The following USP49 variants were observed in gnomAD, a reference collection of about 807,000 sequenced individuals.
USP49 encodes ubiquitin carboxyl-terminal hydrolase 49.
Under a neutral mutation model 58.6 loss-of-function variants are expected in USP49, and 24 were observed. The observed-to-expected ratio is 0.41, with a 90% CI of 0.30 to 0.58. The LOEUF is 0.58. Among genes scored for constraint, USP49 ranks in the 20% least tolerant of loss-of-function variants. The probability of loss-of-function intolerance (pLI) is 0.30; values close to 1 mark genes in which losing one functional copy is unlikely to be tolerated. For missense variants in USP49, 703 were observed against 866.1 expected (o/e 0.81, Z 2.36); for synonymous variants, 408 against 365.1 (o/e 1.12, Z -1.34).
chr6:41,800,740 C>T (rs1303908007), intron 5 of USP49, among the ~76,000 whole-genome samples: 1 of 151,980 alleles, frequency 6.6e-6, no homozygotes, highest in African/African-American at 2.4e-5. Context: ...ATCTTTCAGG[C>T]TTAGGAAAAA....
At chr6:41,839,171 C>G (rs1773777252) in intron 3 of USP49, among the ~76,000 whole-genome samples, 1 of 151,974 alleles carries the variant, frequency 6.6e-6, no homozygotes, top group South Asian at 2.1e-4. Flanking sequence ...CTTTGGAAGG[C>G]TGAGACAGGT....
chr6:41,830,701 C>T (rs954229654), intron 3 of USP49, among the ~76,000 whole-genome samples: 2 of 151,810 alleles, frequency 1.3e-5, no homozygotes, highest in African/African-American at 4.8e-5. Flanking sequence ...GTGGTGCATA[C>T]CTGTAATCCC....
At chr6:41,863,326 C>T (rs1007153534) in intron 3 of USP49, among the ~76,000 whole-genome samples, 2 of 152,126 alleles carry the variant, frequency 1.3e-5, no homozygotes, top group Non-Finnish European at 2.9e-5. Flanking sequence ...TTCAAATGCT[C>T]CCCTTGTTTC....
At chr6:41,856,551 T>C (rs1028866870) in intron 3 of USP49, among the ~76,000 whole-genome samples, 1 of 152,168 alleles carries the variant, frequency 6.6e-6, no homozygotes, top group Admixed American at 6.6e-5. Context: ...AACATGCAAC[T>C]TCAAATGATA....
At chr6:41,811,984 C>G (rs558991110) in intron 3 of USP49, among the ~76,000 whole-genome samples, 1 of 152,304 alleles carries the variant, frequency 6.6e-6, no homozygotes, top group East Asian at 1.9e-4. Context: ...CTACCAACAT[C>G]TGAATTCCCC....
intron 3 of USP49, among the ~76,000 whole-genome samples, chr6:41,837,121 T>C: frequency 6.6e-6 from 1 of 152,114 alleles, no homozygotes; most frequent in East Asian, 1.9e-4. Context: ...CTAAAATTCA[T>C]ATGGAACCAA....
chr6:41,808,762 C>T (rs1773190291), intron 3 of USP49, among the ~76,000 whole-genome samples: 1 of 151,982 alleles, frequency 6.6e-6, no homozygotes, highest in Non-Finnish European at 1.5e-5. Flanking sequence ...CTTTGAAAGG[C>T]GTTTTCCCCT....
intron 5 of USP49, among the ~76,000 whole-genome samples, chr6:41,802,460 A>ATTTTTTTTTTTTTTTT (rs71545916): frequency 2.8e-5 from 2 of 71,398 alleles, no homozygotes; most frequent in African/African-American, 1.2e-4. Context: ...TTATTTATTT[A>ATTTTTTTTTTTTTTTT]TTTATTTATT....
chr6:41,883,623 AAAAT>A (rs113215092), intron 2 of USP49, among the ~76,000 whole-genome samples: 111 of 150,632 alleles, frequency 7.4e-4, no homozygotes, highest in African/African-American at 2.0e-3. Context: ...ACTCCATCTC[AAAAT>A]AAATAAATAA....
Position 41,805,753 on chromosome 6 carries a change from C to CCTT in USP49, c.1228_1230dup (p.Lys410dup). Reference sequence around the variant, plus strand: ...CCCTCAGACTCGAGTTCCTGCTGCACCTTGTGCAGCAGCTCGCAGAGAAAT... The same window carrying CCTT: ...CCCTCAGACTCGAGTTCCTGCTGCACCTTCTTGTGCAGCAGCTCGCAGAGAAAT... On this transcript the variant is annotated inframe_insertion, in exon 4 of 8. Coordinates refer to ENST00000682992, the MANE Select transcript of USP49 (RefSeq NM_001286554.2). 1.2e-6 allele frequency: 2 copies of CCTT among 1,614,110 alleles called. No individual in the cohort carries two copies. The highest frequency in any genetic ancestry group is 1.7e-6 in the Non-Finnish European group (2 of 1,180,022).
chr6:41,870,792 G>C (rs1774400973), intron 3 of USP49, among the ~76,000 whole-genome samples: 1 of 149,396 alleles, frequency 6.7e-6, no homozygotes, highest in Non-Finnish European at 1.5e-5. Context: ...TGTAATCCCA[G>C]CACTTTGGGA....
intron 3 of USP49, among the ~76,000 whole-genome samples, chr6:41,848,550 A>T (rs1397332096): frequency 3.3e-5 from 5 of 151,782 alleles, no homozygotes; most frequent in African/African-American, 7.2e-5. Context: ...ATATATATAT[A>T]TTTTTTGGAG....
At chr6:41,819,690 A>G (rs1773420533) in intron 3 of USP49, among the ~76,000 whole-genome samples, 2 of 152,210 alleles carry the variant, frequency 1.3e-5, no homozygotes, top group Admixed American at 6.5e-5. Context: ...AGGAAATGTT[A>G]TAATAGATGG....
chr6:41,810,068 C>T (rs998904695), intron 3 of USP49, among the ~76,000 whole-genome samples: 1 of 150,970 alleles, frequency 6.6e-6, no homozygotes, highest in African/African-American at 2.4e-5. Context: ...AGGGGAATGG[C>T]GCGAACCCGG....
chr6:41,831,205 C>T (rs1354134809), intron 3 of USP49, among the ~76,000 whole-genome samples: 2 of 152,170 alleles, frequency 1.3e-5, no homozygotes, highest in Non-Finnish European at 2.9e-5. Context: ...GCCTAACCAA[C>T]ATGGTGAAAC....
intron 3 of USP49, among the ~76,000 whole-genome samples, chr6:41,869,929 C>G (rs1327888269): frequency 6.6e-6 from 1 of 152,042 alleles, no homozygotes; most frequent in Non-Finnish European, 1.5e-5. Flanking sequence ...CTAAGATATA[C>G]AGTAAAAGGT....
At chr6:41,890,071 ACT>A (rs1189795816) in intron 2 of USP49, among the ~76,000 whole-genome samples, 2 of 152,156 alleles carry the variant, frequency 1.3e-5, no homozygotes, top group African/African-American at 4.8e-5. Flanking sequence ...CCTAGTAAAC[ACT>A]CAGTAATTGT....
intron 3 of USP49, among the ~76,000 whole-genome samples, chr6:41,863,454 C>T (rs544457078): frequency 6.6e-6 from 1 of 152,300 alleles, no homozygotes; most frequent in Admixed American, 6.5e-5. Flanking sequence ...ATCTTGACGC[C>T]TCCGATCTTT....
chr6:41,889,282 C>T (rs558408606), intron 2 of USP49, among the ~76,000 whole-genome samples: 1 of 152,250 alleles, frequency 6.6e-6, no homozygotes, highest in African/African-American at 2.4e-5. Context: ...ATCCACCTGC[C>T]TCAGCCTCCC....
Sources: allele counts gnomAD v4.1 joint callset (sites outside exome capture counted in the v4.1 genomes callset), GRCh38; gene constraint gnomAD v4.1.1; transcripts MANE v1.5; gene names NCBI Gene and HGNC (gene_info 2026-07-23, HGNC 2026-07-21).